The following NCKAP5 variants were observed in gnomAD, a reference collection of about 807,000 sequenced individuals.
NCKAP5 encodes the protein nck-associated protein 5.
In NCKAP5, 92 loss-of-function variants were observed where a neutral mutation model predicts 167.0. The ratio of observed to expected loss-of-function variants is 0.55; its 90% confidence interval spans 0.47 to 0.66. The LOEUF is 0.66. NCKAP5 is among the 30% of genes least tolerant of loss of function. The probability of loss-of-function intolerance (pLI) is 0.00; values close to 1 mark genes in which losing one functional copy is unlikely to be tolerated. For synonymous variants in NCKAP5, 891 were observed against 877.4 expected (o/e 1.02, Z -0.27); for missense variants, 2,378 against 2,315.0 (o/e 1.03, Z -0.56).
In NCKAP5 at chr2:133,300,307, C is replaced by T. The variant is rs539027636; in HGVS notation, c.143+2730G>A. 7.5e-5 allele frequency among the ~76,000 whole-genome samples: 10 copies of T among 132,676 alleles called. 1 individual carries two copies. In the East Asian group the frequency reaches 1.9e-3, roughly 25 times the overall value. The allele number at this position is 132,676 out of a possible 152,430, so 87.0% of individuals were successfully genotyped here. A position where few individuals can be genotyped will look rare whatever the true frequency, so the allele number is the denominator to read the frequency against. The stretch of plus-strand genomic sequence containing the variant: ...GCCAGCATCATTCTGATACCAAAGC[C>T]GGGCAGAGACACAACCAAAAAAGAG... On this transcript the variant is annotated intron_variant, in intron 4 of 19. Transcript: ENST00000409261.
chr2:133,296,211 C>G (rs1479543482), intron 4 of NCKAP5, among the ~76,000 whole-genome samples: 1 of 152,148 alleles, frequency 6.6e-6, no homozygotes, highest in Non-Finnish European at 1.5e-5. Flanking sequence ...CTGGCACCAT[C>G]CAGAAAGGTG....
intron 2 of NCKAP5, among the ~76,000 whole-genome samples, chr2:133,539,533 C>T (rs1056990021): frequency 6.6e-6 from 1 of 151,508 alleles, no homozygotes; most frequent in Non-Finnish European, 1.5e-5. Context: ...AATAGAATAC[C>T]AATCATAAAA....
intron 5 of NCKAP5, among the ~76,000 whole-genome samples, chr2:133,137,754 G>A (rs2082847209): frequency 6.6e-6 from 1 of 152,148 alleles, no homozygotes; most frequent in Non-Finnish European, 1.5e-5. Context: ...TAAAATGAAG[G>A]TGTTAGGAAT....
chr2:133,080,169 C>G (rs566289745), intron 6 of NCKAP5, among the ~76,000 whole-genome samples: 1 of 152,056 alleles, frequency 6.6e-6, no homozygotes, highest in Non-Finnish European at 1.5e-5. Context: ...AATTAATACT[C>G]CTGGCAGCAC....
chr2:132,746,242 T>C (rs80065931), intron 16 of NCKAP5, among the ~76,000 whole-genome samples: 4 of 152,054 alleles, frequency 2.6e-5, no homozygotes, highest in Non-Finnish European at 4.4e-5. Context: ...ATTCCGGAAA[T>C]AGACTCACAC....
chr2:133,312,148 CT>C (rs1681280609), intron 3 of NCKAP5, among the ~76,000 whole-genome samples: 2 of 152,294 alleles, frequency 1.3e-5, no homozygotes, highest in African/African-American at 4.8e-5. Flanking sequence ...GTGAAAACAT[CT>C]CTTTATAACC....
At chr2:132,896,888 G>C (rs1693254374) in intron 8 of NCKAP5, among the ~76,000 whole-genome samples, 2 of 152,146 alleles carry the variant, frequency 1.3e-5, no homozygotes, top group South Asian at 4.1e-4. Flanking sequence ...ACGGTTTCAA[G>C]CTCTTGCATT....
intron 5 of NCKAP5, among the ~76,000 whole-genome samples, chr2:133,166,089 G>A (rs1480733493): frequency 6.6e-6 from 1 of 152,078 alleles, no homozygotes; most frequent in Non-Finnish European, 1.5e-5. Context: ...TGCAGTGGAA[G>A]GAATGGGGTG....
chr2:132,785,702 C>A lies in NCKAP5; in HGVS notation c.1109G>T (p.Trp370Leu). The A allele has an allele frequency of 6.7e-7, 1 of 1,492,794 alleles. No individual in the cohort carries two copies. The allele number at this position is 1,492,794 out of a possible 1,614,324, so 92.5% of individuals were successfully genotyped here. A position where few individuals can be genotyped will look rare whatever the true frequency, so the allele number is the denominator to read the frequency against. ...AGAATCAATACTTAGCCTTTTATCC[C>A]AGTTTTGTGATGATTGCTAGGAAAG... The part of the protein sequence containing the change: ...NLRKRQSSQN[W>L]DKRLSIDSSL... Residue 370 changes from tryptophan to leucine, a missense_variant, in exon 14 of 20, where the codon TGG becomes TTG. By Grantham distance (61) the Trp-to-Leu change is moderately conservative. This residue lies in a region of NCKAP5 where 1,049 missense variants were observed against 1,023.4 expected (regional missense o/e 1.02). Coordinates refer to ENST00000409261, the MANE Select transcript of NCKAP5 (RefSeq NM_207363.3).
At chr2:133,054,786 C>T (rs1354736036) in intron 6 of NCKAP5, among the ~76,000 whole-genome samples, 1 of 152,140 alleles carries the variant, frequency 6.6e-6, no homozygotes, top group Non-Finnish European at 1.5e-5. Flanking sequence ...ATTTTCTTGG[C>T]AATCAGATGT....
At chr2:133,549,219 G>A (rs1275617309) in intron 2 of NCKAP5, among the ~76,000 whole-genome samples, 8 of 151,180 alleles carry the variant, frequency 5.3e-5, no homozygotes, top group African/African-American at 1.5e-4. Flanking sequence ...GAGCACCCAG[G>A]TTCATAAAGC....
chr2:133,198,676 A>T (rs955221638), intron 5 of NCKAP5, among the ~76,000 whole-genome samples: 1 of 152,248 alleles, frequency 6.6e-6, no homozygotes, highest in East Asian at 1.9e-4. Context: ...ATATTTGTGG[A>T]TTAAAAGATT....
At chr2:133,612,393 C>A in the NCKAP5 span, among the ~76,000 whole-genome samples, 10 of 152,280 alleles carry the variant, frequency 6.6e-5, no homozygotes, top group East Asian at 1.9e-3. Flanking sequence ...AAAGAAACAT[C>A]TTTCTTTATC....
chr2:132,956,914 C>G (rs915710590), intron 8 of NCKAP5, among the ~76,000 whole-genome samples: 4 of 152,210 alleles, frequency 2.6e-5, no homozygotes, highest in Non-Finnish European at 5.9e-5. Context: ...TCCCCAGGCT[C>G]AGATGCTGGC....
intron 3 of NCKAP5, chr2:133,390,959 T>C (rs1375392803): frequency 6.6e-6 from 1 of 152,214 alleles, no homozygotes; most frequent in Non-Finnish European, 1.5e-5. Flanking sequence ...CATTTTTATG[T>C]ATTAAGAATT....
chr2:132,725,734 T>C lies in NCKAP5; in HGVS notation c.5606A>G (p.Tyr1869Cys), dbSNP rs1481375207. Residue 1869 changes from tyrosine (Y) to cysteine (C), a missense_variant, in exon 19 of 20, where the codon TAC (tyrosine) becomes TGC (cysteine). This residue lies in a region of NCKAP5 where 1,325 missense variants were observed against 1,274.5 expected (regional missense o/e 1.04). Coordinates refer to ENST00000409261, the MANE Select transcript of NCKAP5 (RefSeq NM_207363.3). The stretch of plus-strand genomic sequence containing the variant: ...ACTATTACTGCCACCGCTGGCAGAG[T>C]ACGTACACATTCTGGGTGCCTTGTC... Reference protein sequence around the residue: ...TQDKAPRMCTYSASGGSNSDS... With the variant: ...TQDKAPRMCTCSASGGSNSDS... 1.2e-6 allele frequency: 2 copies of C among 1,613,450 alleles called. No homozygotes were observed. Among genetic ancestry groups the C allele is most frequent in the Non-Finnish European group, 1.7e-6 (2 of 1,179,740 alleles).
At chr2:133,251,929 G>A (rs1361541324) in intron 4 of NCKAP5, among the ~76,000 whole-genome samples, 1 of 152,218 alleles carries the variant, frequency 6.6e-6, no homozygotes, top group African/African-American at 2.4e-5. Context: ...CTTTGAAATT[G>A]AGGCCAGAGG....
chr2:132,981,572 C>T (rs537609414), intron 7 of NCKAP5, among the ~76,000 whole-genome samples: 1 of 152,302 alleles, frequency 6.6e-6, no homozygotes, highest in South Asian at 2.1e-4. Flanking sequence ...CCCCGGTTCA[C>T]CCAGGGAACC....
rs761488484 is a variant in NCKAP5, at chr2:132,731,821, T to C, written c.5359A>G (p.Ile1787Val). 3.6e-5 allele frequency: 58 copies of C among 1,613,796 alleles called. No individual in the cohort carries two copies. In the Middle Eastern group the frequency reaches 6.6e-4, roughly 18 times the overall value. ...ATGGGGTCGGATGTGGAATGAACAATGGCGCTATCTGCAGGGCGCTGGCCG... is the reference window on the plus strand; with the variant it reads ...ATGGGGTCGGATGTGGAATGAACAACGGCGCTATCTGCAGGGCGCTGGCCG... ...TDGQRPADSA[I>V]VHSTSDPIMT... Residue 1787 changes from isoleucine to valine, a missense_variant, in exon 17 of 20, where the codon ATT (isoleucine) becomes GTT (valine). Around this residue, in one of 3 missense-constraint regions of NCKAP5, gnomAD observed 1,325 missense variants for 1,274.5 expected, o/e 1.04. Coordinates refer to ENST00000409261, the MANE Select transcript of NCKAP5 (RefSeq NM_207363.3).
Sources: gnomAD v4.1 joint callset for allele counts (sites outside exome capture counted in the v4.1 genomes callset) on GRCh38, gnomAD v4.1.1 for gene constraint, gnomAD v4.1.1 regional missense constraint, MANE v1.5 for transcripts, NCBI Gene and HGNC (gene_info 2026-07-23, HGNC 2026-07-21) for gene names.